Variants in CMTM8 observed in about 807,000 individuals in gnomAD.
CMTM8 encodes CKLF like MARVEL transmembrane domain containing 8, also known as CKLF-like MARVEL transmembrane domain-containing protein 8.
Under a neutral mutation model 18.6 loss-of-function variants are expected in CMTM8, and 12 were observed. The observed-to-expected ratio is 0.65, with a 90% CI of 0.41 to 1.05. The LOEUF is 1.05. Among genes scored for constraint, CMTM8 ranks in the 50% least tolerant of loss-of-function variants. The probability of loss-of-function intolerance (pLI) is 0.00; values close to 1 mark genes in which losing one functional copy is unlikely to be tolerated. For missense variants in CMTM8, 217 were observed against 227.2 expected (o/e 0.95, Z 0.29); for synonymous variants, 87 against 90.6 (o/e 0.96, Z 0.23).
intron 1 of CMTM8, among the ~76,000 whole-genome samples, chr3:32,332,020 G>A (rs901440049): frequency 2.7e-5 from 4 of 149,058 alleles, no homozygotes; most frequent in African/African-American, 5.0e-5. Flanking sequence ...TAAATGTTAC[G>A]TTCTTTTGAC....
chr3:32,251,900 G>A (rs989536832), intron 1 of CMTM8, among the ~76,000 whole-genome samples: 2 of 151,672 alleles, frequency 1.3e-5, no homozygotes, highest in African/African-American at 2.4e-5. Context: ...GACTAGTCTG[G>A]GCAACATGAT....
chr3:32,314,199 G>T (rs377098137), intron 1 of CMTM8, among the ~76,000 whole-genome samples: 7 of 152,326 alleles, frequency 4.6e-5, no homozygotes, highest in African/African-American at 1.7e-4. Context: ...GGGCCCTCTG[G>T]AGAAAGGGGA....
At chr3:32,326,328 C>A (rs1696153627) in intron 1 of CMTM8, among the ~76,000 whole-genome samples, 1 of 152,132 alleles carries the variant, frequency 6.6e-6, no homozygotes, top group Non-Finnish European at 1.5e-5. Flanking sequence ...AACTCCTTAA[C>A]CTGCCATTCT....
chr3:32,262,337 A>G (rs961669994), intron 1 of CMTM8, among the ~76,000 whole-genome samples: 1 of 152,240 alleles, frequency 6.6e-6, no homozygotes, highest in African/African-American at 2.4e-5. Context: ...TTCTAAGTCT[A>G]GGATGGGTGT....
chr3:32,239,266 G>A, intron 1 of CMTM8, 147 bp downstream of exon 1: 1 of 866,410 alleles, frequency 1.2e-6, no homozygotes, highest in African/African-American at 1.8e-5. Context: ...TTCCCAAAGT[G>A]AAAGACTCTA....
intron 1 of CMTM8, among the ~76,000 whole-genome samples, chr3:32,327,668 C>G (rs968106667): frequency 1.3e-5 from 2 of 152,162 alleles, no homozygotes; most frequent in South Asian, 4.1e-4. Context: ...GTGCTGCAGC[C>G]TCTCCTAGTA....
intron 1 of CMTM8, among the ~76,000 whole-genome samples, chr3:32,281,113 T>C (rs1179760381): frequency 2.0e-5 from 3 of 152,204 alleles, no homozygotes; most frequent in Non-Finnish European, 4.4e-5. Flanking sequence ...TTGATGCTCC[T>C]GTGTATGACT....
At chr3:32,265,636 A>G (rs1219524700) in intron 1 of CMTM8, among the ~76,000 whole-genome samples, 3 of 152,096 alleles carry the variant, frequency 2.0e-5, no homozygotes, top group Admixed American at 2.0e-4. Context: ...AGACACAAAA[A>G]ACCCTTCAAA....
chr3:32,276,526 C>A (rs969247933), intron 1 of CMTM8, among the ~76,000 whole-genome samples: 35 of 152,124 alleles, frequency 2.3e-4, no homozygotes, highest in African/African-American at 9.7e-5. Flanking sequence ...CTGTGGCTAG[C>A]CATGGACCTT....
At chr3:32,293,163 C>T (rs377100300) in intron 1 of CMTM8, among the ~76,000 whole-genome samples, 8 of 151,784 alleles carry the variant, frequency 5.3e-5, no homozygotes, top group African/African-American at 1.9e-4. Context: ...CTCACTTTGG[C>T]GGCTATGTAG....
intron 1 of CMTM8, chr3:32,259,094 T>C: frequency 2.6e-6 from 1 of 388,568 alleles, no homozygotes; most frequent in Non-Finnish European, 5.0e-6. Flanking sequence ...CGGATCACCG[T>C]GTCCTGCTCC....
intron 1 of CMTM8, among the ~76,000 whole-genome samples, chr3:32,320,233 C>T (rs777758735): frequency 2.6e-5 from 4 of 152,152 alleles, no homozygotes; most frequent in Non-Finnish European, 4.4e-5. Context: ...TCCAAATGCC[C>T]GTCACCTGAT....
chr3:32,350,661 G>A (rs190586422), intron 1 of CMTM8, among the ~76,000 whole-genome samples: 117 of 152,068 alleles, frequency 7.7e-4, no homozygotes, highest in African/African-American at 2.7e-3. Context: ...GCTGGGACTA[G>A]ATAGAGGCAC....
At chr3:32,309,300 A>ATTTTTTTTTTTTTTTTTTTTTTTTTT (rs4038996) in intron 1 of CMTM8, among the ~76,000 whole-genome samples, 1 of 96,436 alleles carries the variant, frequency 1.0e-5, no homozygotes. Flanking sequence ...CAATTTACCA[A>ATTTTTTTTTTTTTTTTTTTTTTTTTT]TTTTTTTTTT....
intron 1 of CMTM8, among the ~76,000 whole-genome samples, chr3:32,300,755 T>C (rs185570762): frequency 6.6e-6 from 1 of 152,136 alleles, no homozygotes; most frequent in East Asian, 1.9e-4. Flanking sequence ...GGTCGGGAGT[T>C]CAAGACCAGC....
At chr3:32,319,074 A>ATATATATGTATTTTTTTTTTT in intron 1 of CMTM8, among the ~76,000 whole-genome samples, 2 of 31,530 alleles carry the variant, frequency 6.3e-5, no homozygotes, top group Non-Finnish European at 1.0e-4. Flanking sequence ...ATATATATAT[A>ATATATATGTATTTTTTTTTTT]TTTTTTTTTT....
intron 1 of CMTM8, among the ~76,000 whole-genome samples, chr3:32,352,805 C>T (rs778168256): frequency 3.3e-5 from 5 of 151,124 alleles, no homozygotes; most frequent in Non-Finnish European, 7.4e-5. Context: ...CCAAGCTGTT[C>T]ACTTAGGATT....
At chr3:32,299,971 G>A (rs931919196) in intron 1 of CMTM8, among the ~76,000 whole-genome samples, 4 of 152,210 alleles carry the variant, frequency 2.6e-5, no homozygotes, top group African/African-American at 7.2e-5. Flanking sequence ...GTGCTGAAAA[G>A]GGATGATGCC....
intron 1 of CMTM8, among the ~76,000 whole-genome samples, chr3:32,312,884 T>G (rs530296259): frequency 6.6e-6 from 1 of 152,042 alleles, no homozygotes; most frequent in East Asian, 1.9e-4. Flanking sequence ...AGACTTTTTT[T>G]CACCTTTATT....
Sources: gnomAD v4.1 joint callset for allele counts (sites outside exome capture counted in the v4.1 genomes callset) on GRCh38, gnomAD v4.1.1 for gene constraint, MANE v1.5 for transcripts, NCBI Gene and HGNC (gene_info 2026-07-23, HGNC 2026-07-21) for gene names.